Variants in MYO6 observed in about 807,000 individuals in gnomAD.
The protein encoded by MYO6 is unconventional myosin-VI.
MYO6 carries 74 observed loss-of-function variants against 178.7 expected under a neutral mutation model. The observed-to-expected ratio is 0.41, with a 90% CI of 0.34 to 0.50. The LOEUF (loss-of-function observed/expected upper bound fraction) is 0.50. Among genes scored for constraint, MYO6 ranks in the 20% least tolerant of loss-of-function variants. The pLI is 0.09. For missense variants in MYO6, 1,330 were observed against 1,547.4 expected (o/e 0.86, Z 2.36); for synonymous variants, 477 against 504.6 (o/e 0.95, Z 0.73).
chr6:75,911,674 T>C lies in MYO6; in HGVS notation c.3415T>C (p.Phe1139Leu). The change falls in exon 33 of 35, where the codon TTT becomes CTT. Residue 1139 changes from phenylalanine to leucine, a missense_variant and splice_region_variant. Phe to Leu is a conservative substitution (Grantham distance 22). Coordinates refer to ENST00000369977, the MANE Select transcript of MYO6 (RefSeq NM_004999.4). ...CAACATAAAATATTTGTTCACAGAT[T>C]TTGCACCATTTTTGAACAATTCACG... The part of the protein sequence containing the change: ...RAPKSVTDYD[F>L]APFLNNSPQQ... 6.2e-7 allele frequency: 1 copy of C among 1,611,596 alleles called. No individual in the cohort carries two copies. Among genetic ancestry groups the C allele is most frequent in the Non-Finnish European group, 8.5e-7 (1 of 1,178,010 alleles).
intron 8 of MYO6, 92 bp from the exon 9 acceptor site, chr6:75,841,122 G>GGT (rs1554206945): frequency 1.6e-6 from 2 of 1,223,252 alleles, no homozygotes; most frequent in African/African-American, 1.5e-5. Context: ...ATAGACAAAT[G>GGT]GTATTAGAAA....
At position 75,892,612 on chromosome 6, in the gene MYO6, G is replaced by A. The variant is rs374966499; in HGVS notation, c.3029G>A (p.Arg1010Gln). 2.8e-5 allele frequency: 45 copies of A among 1,613,306 alleles called. No homozygotes were observed. The highest frequency in any genetic ancestry group is 6.7e-5 in the African/African-American group (5 of 74,900). The change falls in exon 28 of 35, where the codon CGG becomes CAG. Residue 1010 changes from arginine (R) to glutamine (Q), a missense_variant. This residue lies in a region of MYO6 where 601 missense variants were observed against 626.1 expected (regional missense o/e 0.96). Coordinates refer to ENST00000369977, the MANE Select transcript of MYO6 (RefSeq NM_004999.4). ...GTTCTGGAGCAGGAGCGCAGGGACC[G>A]GGAGCTGGCCCTGAGGATTGCCCAG... Reference protein sequence around the residue: ...QAVLEQERRDRELALRIAQSE... With the variant: ...QAVLEQERRDQELALRIAQSE...
intron 6 of MYO6, among the ~76,000 whole-genome samples, chr6:75,834,202 TTTTG>T (rs1179359547): frequency 2.4e-4 from 36 of 152,168 alleles, no homozygotes; most frequent in Non-Finnish European, 4.4e-4. Context: ...CATTGTGTTT[TTTTG>T]TTTGTTTGTT....
chr6:75,899,702 C>CTTT (rs57012582), intron 30 of MYO6, among the ~76,000 whole-genome samples: 5 of 141,332 alleles, frequency 3.5e-5, no homozygotes, highest in African/African-American at 1.3e-4. Context: ...ACACATTATT[C>CTTT]TTTTTTTTTT....
At chr6:75,805,055 A>G (rs1769930844) in intron 1 of MYO6, among the ~76,000 whole-genome samples, 1 of 113,224 alleles carries the variant, frequency 8.8e-6, no homozygotes, top group Admixed American at 1.1e-4. Context: ...ACAGAGTCTC[A>G]CTCTGTCAAC....
chr6:75,910,043 G>A (rs1780642922), intron 32 of MYO6, among the ~76,000 whole-genome samples: 1 of 152,170 alleles, frequency 6.6e-6, no homozygotes, highest in Non-Finnish European at 1.5e-5. Context: ...CAAGGGCAGT[G>A]GGAGATCACT....
At chr6:75,867,899 A>T (rs1028987180) in intron 18 of MYO6, among the ~76,000 whole-genome samples, 1 of 152,198 alleles carries the variant, frequency 6.6e-6, no homozygotes, top group African/African-American at 2.4e-5. Flanking sequence ...TTGTGAAGTT[A>T]TGAGTTTAAT....
chr6:75,786,765 T>C (rs1767604215), intron 1 of MYO6, among the ~76,000 whole-genome samples: 1 of 152,234 alleles, frequency 6.6e-6, no homozygotes, highest in Non-Finnish European at 1.5e-5. Context: ...TACATACATA[T>C]ACACACGTCT....
At chr6:75,838,771 C>T (rs1284514412) in intron 7 of MYO6, among the ~76,000 whole-genome samples, 1 of 151,518 alleles carries the variant, frequency 6.6e-6, no homozygotes, top group Non-Finnish European at 1.5e-5. Flanking sequence ...AAGTGATTCT[C>T]CTGCCTCAGG....
intron 26 of MYO6, 116 bp downstream of exon 26, chr6:75,890,381 C>T (rs1778809482): frequency 1.2e-5 from 18 of 1,449,058 alleles, no homozygotes; most frequent in Non-Finnish European, 1.5e-5. Context: ...GGGTCTTGCT[C>T]TGTTGCCCAG....
At chr6:75,860,917 T>C in intron 14 of MYO6, 106 bp from the exon 15 acceptor site, 1 of 885,062 alleles carries the variant, frequency 1.1e-6, no homozygotes, top group Non-Finnish European at 1.9e-6. Context: ...TACCAGTTTG[T>C]ATAAACCTTT....
chr6:75,819,411 A>T (rs967967311), intron 2 of MYO6, among the ~76,000 whole-genome samples: 4 of 152,328 alleles, frequency 2.6e-5, no homozygotes, highest in Admixed American at 2.6e-4. Context: ...CTTCAAAATA[A>T]TTATTAAGGA....
At chr6:75,849,823 A>T (rs1019753901) in intron 11 of MYO6, among the ~76,000 whole-genome samples, 1 of 152,172 alleles carries the variant, frequency 6.6e-6, no homozygotes, top group Non-Finnish European at 1.5e-5. Context: ...CGGAATTGCA[A>T]CTTAGGTTTT....
chr6:75,888,939 G>A lies in MYO6; in HGVS notation c.2659-1118G>A, dbSNP rs968643031. On this transcript the variant is annotated intron_variant, in intron 25 of 34. Coordinates refer to ENST00000369977, the MANE Select transcript of MYO6 (RefSeq NM_004999.4). ...TTGATTTTTATTTATTTGATTACTAGTGGAGTTGAAGACTTTTCTATATGC... is the reference window on the plus strand; with the variant it reads ...TTGATTTTTATTTATTTGATTACTAATGGAGTTGAAGACTTTTCTATATGC... Among the ~76,000 whole-genome samples the A allele has an allele frequency of 3.3e-5, 5 of 152,104 alleles. No homozygotes were observed. In the South Asian group the frequency reaches 1.0e-3, roughly 31 times the overall value.
chr6:75,847,158 A>G (rs544266861), intron 10 of MYO6, among the ~76,000 whole-genome samples: 24 of 152,268 alleles, frequency 1.6e-4, no homozygotes, highest in African/African-American at 4.6e-4. Flanking sequence ...AAAATTCTGC[A>G]TGATGTGTGT....
intron 19 of MYO6, among the ~76,000 whole-genome samples, chr6:75,872,660 A>C (rs528401351): frequency 1.3e-5 from 2 of 152,324 alleles, no homozygotes; most frequent in Non-Finnish European, 2.9e-5. Flanking sequence ...ACAGTGAAAG[A>C]CTTCTCTTTT....
chr6:75,807,322 G>A (rs1770202672), intron 1 of MYO6, among the ~76,000 whole-genome samples: 1 of 151,912 alleles, frequency 6.6e-6, no homozygotes, highest in African/African-American at 2.4e-5. Context: ...CTGTGTGTCT[G>A]TTTTCTAGTA....
At chr6:75,890,031 G>C in intron 25 of MYO6, 26 bp from the exon 26 acceptor site, 1 of 1,499,196 alleles carries the variant, frequency 6.7e-7, no homozygotes, top group South Asian at 1.1e-5. Flanking sequence ...AAGCTTTTAC[G>C]TACCTATTTA....
intron 34 of MYO6, 31 bp from the exon 35 acceptor site, chr6:75,914,781 GA>G (rs1781023316): frequency 6.2e-7 from 1 of 1,601,412 alleles, no homozygotes; most frequent in East Asian, 2.2e-5. Flanking sequence ...TGAAGAGAGA[GA>G]TGGTAATTTT....
Sources: gnomAD v4.1 joint callset for allele counts (sites outside exome capture counted in the v4.1 genomes callset) on GRCh38, gnomAD v4.1.1 for gene constraint, gnomAD v4.1.1 regional missense constraint, MANE v1.5 for transcripts, NCBI Gene and HGNC (gene_info 2026-07-23, HGNC 2026-07-21) for gene names.